Variants in BRD10 observed in about 807,000 individuals in gnomAD.
BRD10 encodes uncharacterized bromodomain-containing protein 10.
chr9:5,945,896 G>C, the BRD10 span, among the ~76,000 whole-genome samples: 1 of 151,914 alleles, frequency 6.6e-6, no homozygotes, highest in Non-Finnish European at 1.5e-5. Flanking sequence ...TTTATACCAT[G>C]TGATAATTAA....
At chr9:5,951,412 T>C in the BRD10 span, among the ~76,000 whole-genome samples, 36,504 of 152,016 alleles carry the variant, frequency 0.24, 4,535 homozygotes, top group South Asian at 0.36. Flanking sequence ...GACTGGTCCT[T>C]TGGCAAACTG....
At chr9:5,886,087 C>T in the BRD10 span, among the ~76,000 whole-genome samples, 39 of 152,194 alleles carry the variant, frequency 2.6e-4, no homozygotes, top group Non-Finnish European at 5.6e-4. Flanking sequence ...GGCTATCAAC[C>T]CTCGTTTGTA....
the BRD10 span, among the ~76,000 whole-genome samples, chr9:6,002,160 T>C: frequency 0.99 from 150,484 of 152,324 alleles, 74,393 homozygotes; most frequent in Non-Finnish European, 1. Flanking sequence ...TGTGTTTCTT[T>C]CTACCATCTT....
the BRD10 span, among the ~76,000 whole-genome samples, chr9:5,990,692 TTCTCTCTCAC>T: frequency 1.3e-5 from 2 of 152,202 alleles, no homozygotes; most frequent in Non-Finnish European, 2.9e-5. Flanking sequence ...ATGGTGCTGC[TTCTCTCTCAC>T]CAACATGTAA....
chr9:5,906,863 C>A, the BRD10 span: 3 of 1,477,782 alleles, frequency 2.0e-6, no homozygotes, highest in South Asian at 3.8e-5. Context: ...CACCCACTCA[C>A]CTTTATCAAT....
chr9:5,961,368 T>A, the BRD10 span, among the ~76,000 whole-genome samples: 5 of 152,190 alleles, frequency 3.3e-5, no homozygotes, highest in African/African-American at 9.7e-5. Context: ...AAAGGGCTAT[T>A]CTTTTTGCTT....
At chr9:5,969,676 A>G in the BRD10 span, among the ~76,000 whole-genome samples, 3 of 151,976 alleles carry the variant, frequency 2.0e-5, no homozygotes, top group Non-Finnish European at 4.4e-5. Context: ...CCCAAGTAGC[A>G]GGGATTACAG....
chr9:5,988,209 T>A, the BRD10 span: 8 of 635,084 alleles, frequency 1.3e-5, no homozygotes. Context: ...AAACAAATTT[T>A]ATTGCGATAT....
chr9:5,918,963 T>A, the BRD10 span: 4 of 152,600 alleles, frequency 2.6e-5, no homozygotes, highest in Non-Finnish European at 5.9e-5. Context: ...TTCAATTACA[T>A]CCTGTATTCT....
chr9:5,963,955 G>C, the BRD10 span, among the ~76,000 whole-genome samples: 1 of 151,644 alleles, frequency 6.6e-6, no homozygotes, highest in African/African-American at 2.4e-5. Context: ...AAAAACCCTA[G>C]AAGAAAACCT....
At chr9:5,914,548 C>CGAGTAGCTG in the BRD10 span, among the ~76,000 whole-genome samples, 3 of 150,284 alleles carry the variant, frequency 2.0e-5, no homozygotes, top group Admixed American at 2.0e-4. Context: ...CTCAGCCTCC[C>CGAGTAGCTG]GAGTAGCTGG....
the BRD10 span, chr9:5,933,842 A>C: frequency 2.1e-6 from 1 of 470,906 alleles, no homozygotes; most frequent in South Asian, 1.5e-5. Context: ...TGGCAAGGAG[A>C]GGGAGTTGGC....
the BRD10 span, chr9:5,920,709 G>A: frequency 1.2e-6 from 2 of 1,613,958 alleles, no homozygotes; most frequent in South Asian, 1.1e-5. Context: ...GCCGAATGTG[G>A]AACTGTGTTT....
At chr9:5,940,173 T>C in the BRD10 span, among the ~76,000 whole-genome samples, 1 of 152,218 alleles carries the variant, frequency 6.6e-6, no homozygotes. Flanking sequence ...GTACATATTA[T>C]TTTGTATGTC....
chr9:6,007,938 GCGCGCGGGGGTCTTGAGCTC>G, the BRD10 span: 1 of 1,330,310 alleles, frequency 7.5e-7, no homozygotes, highest in South Asian at 2.0e-5. Context: ...TCGGCTCGGT[GCGCGCGGGGGTCTTGAGCTC>G]ACCGCCGGCG....
At chr9:5,918,585 C>T in the BRD10 span, among the ~76,000 whole-genome samples, 6 of 150,808 alleles carry the variant, frequency 4.0e-5, no homozygotes, top group East Asian at 9.7e-4. Flanking sequence ...GGCCCATGCC[C>T]GTAGTCCCAG....
At chr9:5,893,235 G>A in the BRD10 span, among the ~76,000 whole-genome samples, 2 of 152,138 alleles carry the variant, frequency 1.3e-5, no homozygotes, top group African/African-American at 4.8e-5. Flanking sequence ...CCCAGAGGCT[G>A]CAGGGACATA....
the BRD10 span, chr9:5,921,377 A>C: frequency 6.2e-7 from 1 of 1,613,874 alleles, no homozygotes; most frequent in East Asian, 2.2e-5. Flanking sequence ...TGGAGTCTTA[A>C]CATATGCTTT....
the BRD10 span, among the ~76,000 whole-genome samples, chr9:5,937,543 AG>A: frequency 6.6e-6 from 1 of 152,206 alleles, no homozygotes; most frequent in African/African-American, 2.4e-5. Flanking sequence ...TACAAAAAAA[AG>A]AAAATAAAAA....
Sources: gnomAD v4.1 joint callset for allele counts (sites outside exome capture counted in the v4.1 genomes callset) on GRCh38, gnomAD v4.1.1 for gene constraint, MANE v1.5 for transcripts, NCBI Gene and HGNC (gene_info 2026-07-23, HGNC 2026-07-21) for gene names.